SGCD: variants seen among roughly 807,000 people sequenced by gnomAD.
SGCD encodes delta-sarcoglycan.
Under a neutral mutation model 36.6 loss-of-function variants are expected in SGCD, and 18 were observed. The observed-to-expected ratio is 0.49, with a 90% CI of 0.34 to 0.73. The LOEUF (loss-of-function observed/expected upper bound fraction) is 0.73. Ranked by LOEUF, SGCD falls within the 30% of genes least tolerant of loss-of-function variation. The pLI is 0.01. For synonymous variants in SGCD, 133 were observed against 130.6 expected (o/e 1.02, Z -0.12); for missense variants, 387 against 346.7 (o/e 1.12, Z -0.92).
chr5:156,242,905 G>C (rs1366638112), intron 3 of SGCD, among the ~76,000 whole-genome samples: 1 of 152,194 alleles, frequency 6.6e-6, no homozygotes, highest in East Asian at 1.9e-4. Context: ...ACATGGGGCA[G>C]CCAGAATGTC....
intron 6 of SGCD, among the ~76,000 whole-genome samples, chr5:156,606,959 G>A (rs1237926883): frequency 6.6e-6 from 1 of 152,140 alleles, no homozygotes; most frequent in Admixed American, 6.5e-5. Flanking sequence ...AGACGATGGG[G>A]TTTTCTGGAT....
the SGCD span, among the ~76,000 whole-genome samples, chr5:155,765,152 A>G: frequency 6.6e-6 from 1 of 151,656 alleles, no homozygotes; most frequent in African/African-American, 2.4e-5. Context: ...GGTGGCATGC[A>G]CCTGTTAGTC....
intron 1 of SGCD, among the ~76,000 whole-genome samples, chr5:156,035,028 T>A (rs1247904927): frequency 6.6e-6 from 1 of 152,188 alleles, no homozygotes; most frequent in African/African-American, 2.4e-5. Flanking sequence ...TCTACATGTT[T>A]CCAGTGTAAG....
At chr5:156,615,828 G>A (rs1762000864) in intron 6 of SGCD, among the ~76,000 whole-genome samples, 1 of 152,212 alleles carries the variant, frequency 6.6e-6, no homozygotes, top group African/African-American at 2.4e-5. Context: ...CTGCGGTTGG[G>A]TGTAGTGGGA....
intron 8 of SGCD, 50 bp from the exon 9 acceptor site, chr5:156,759,165 GAA>G: frequency 1.4e-6 from 2 of 1,405,590 alleles, no homozygotes; most frequent in Non-Finnish European, 2.0e-6. Context: ...AATGTCAAGA[GAA>G]GAGACGACAG....
At chr5:156,397,612 C>G (rs981079943) in intron 3 of SGCD, among the ~76,000 whole-genome samples, 5 of 152,142 alleles carry the variant, frequency 3.3e-5, no homozygotes, top group Admixed American at 6.5e-5. Context: ...CTGTGGCATG[C>G]CAGACACAGT....
chr5:156,150,091 A>G (rs1015522513), intron 3 of SGCD, among the ~76,000 whole-genome samples: 1 of 151,976 alleles, frequency 6.6e-6, no homozygotes, highest in Non-Finnish European at 1.5e-5. Context: ...GTGTGCTGTT[A>G]GAATTAGGGT....
chr5:156,300,967 T>TCCATC (rs1328586655), intron 3 of SGCD, among the ~76,000 whole-genome samples: 6 of 152,052 alleles, frequency 3.9e-5, no homozygotes, highest in Non-Finnish European at 8.8e-5. Context: ...CATATCTTTT[T>TCCATC]CCATCCCTCT....
At chr5:155,839,505 G>T in the SGCD span, among the ~76,000 whole-genome samples, 2 of 152,014 alleles carry the variant, frequency 1.3e-5, no homozygotes, top group African/African-American at 4.8e-5. Flanking sequence ...CTTAACTTTC[G>T]CTTTGGCATA....
chr5:156,643,198 A>G (rs188003937), intron 6 of SGCD, among the ~76,000 whole-genome samples: 4 of 151,870 alleles, frequency 2.6e-5, no homozygotes, highest in African/African-American at 9.7e-5. Flanking sequence ...ACGCCCGGCT[A>G]ATTTTGTATT....
intron 3 of SGCD, among the ~76,000 whole-genome samples, chr5:156,257,331 G>T (rs2127663617): frequency 6.6e-6 from 1 of 151,988 alleles, no homozygotes; most frequent in African/African-American, 2.4e-5. Context: ...AAAATTAGCT[G>T]GGCATGGTGG....
intron 7 of SGCD, among the ~76,000 whole-genome samples, chr5:156,678,142 T>C (rs1175315661): frequency 6.6e-6 from 1 of 152,118 alleles, no homozygotes; most frequent in Non-Finnish European, 1.5e-5. Flanking sequence ...AACAGGCCTG[T>C]GGTGCCAGAT....
intron 3 of SGCD, among the ~76,000 whole-genome samples, chr5:156,148,786 C>G (rs542798041): frequency 6.6e-6 from 1 of 152,248 alleles, no homozygotes; most frequent in East Asian, 1.9e-4. Flanking sequence ...AGGAGTGCAC[C>G]TACAAGCAGG....
At chr5:156,205,256 G>T (rs1764247258) in intron 3 of SGCD, among the ~76,000 whole-genome samples, 1 of 151,994 alleles carries the variant, frequency 6.6e-6, no homozygotes, top group Non-Finnish European at 1.5e-5. Flanking sequence ...TTGCTTTTAT[G>T]GGTAGGCTGG....
At chr5:156,244,595 G>A (rs1160644508) in intron 3 of SGCD, among the ~76,000 whole-genome samples, 1 of 152,030 alleles carries the variant, frequency 6.6e-6, no homozygotes. Flanking sequence ...AAAGTTATTT[G>A]TTCCCTTCTG....
intron 3 of SGCD, among the ~76,000 whole-genome samples, chr5:156,252,163 G>A (rs1237315824): frequency 3.3e-5 from 5 of 151,840 alleles, no homozygotes; most frequent in East Asian, 1.9e-4. Context: ...CGCCTCCCGG[G>A]TTCAAGCCAT....
rs535903264 is a variant in SGCD at position 156,477,855 on chromosome 5, A to C, written c.193-30746A>C. 2.7e-4 allele frequency among the ~76,000 whole-genome samples: 41 copies of C among 152,270 alleles called. No homozygotes were observed. The South Asian group carries it at 7.0e-3, about 26-fold the overall frequency. On this transcript the variant is annotated intron_variant, in intron 3 of 8. Coordinates refer to ENST00000337851, the MANE Select transcript of SGCD (RefSeq NM_000337.6). ...TAGGTGCAAAATGCAGCATCTCTAC[A>C]AGAATATTCTCTGGAATGTGGGTTC...
At chr5:156,271,154 G>T (rs1306539601) in intron 3 of SGCD, among the ~76,000 whole-genome samples, 1 of 152,132 alleles carries the variant, frequency 6.6e-6, no homozygotes, top group African/African-American at 2.4e-5. Context: ...TCAGTTGATG[G>T]TCATTTTTTG....
chr5:156,530,414 A>G (rs950756058), intron 4 of SGCD, among the ~76,000 whole-genome samples: 5 of 152,230 alleles, frequency 3.3e-5, no homozygotes, highest in South Asian at 4.1e-4. Context: ...ATGACTGTAT[A>G]GTTCCCGTAT....
Sources: gnomAD v4.1 joint callset for allele counts (sites outside exome capture counted in the v4.1 genomes callset) on GRCh38, gnomAD v4.1.1 for gene constraint, MANE v1.5 for transcripts, NCBI Gene and HGNC (gene_info 2026-07-23, HGNC 2026-07-21) for gene names.